Variants in AFF2 observed in about 807,000 individuals in gnomAD.
The protein encoded by AFF2 is AF4/FMR2 family member 2.
A neutral mutation model predicts 76.9 loss-of-function variants in AFF2; 14 were observed. The ratio of observed to expected loss-of-function variants is 0.18; its 90% confidence interval spans 0.12 to 0.28. AFF2 has a LOEUF of 0.28. Among genes scored for constraint, AFF2 ranks in the 10% least tolerant of loss-of-function variants. The probability of loss-of-function intolerance (pLI) is 1.00; values close to 1 mark genes in which losing one functional copy is unlikely to be tolerated. For missense variants in AFF2, 868 were observed against 1,001.1 expected, an observed-to-expected ratio of 0.87 and a Z score of 1.79; for synonymous variants, 398 against 366.7, an observed-to-expected ratio of 1.09 and a Z score of -0.98.
intron 9 of AFF2, among the ~76,000 whole-genome samples, chrX:148,933,790 AT>A (rs1165452620): frequency 1.2e-4 from 13 of 111,729 alleles, no homozygotes; most frequent in East Asian, 5.6e-4. Flanking sequence ...TATTTAAATA[AT>A]TTTTTTTCAA....
chrX:148,845,402 A>G (rs959164918), intron 7 of AFF2, among the ~76,000 whole-genome samples: 1 of 111,782 alleles, frequency 8.9e-6, no homozygotes, highest in Admixed American at 9.5e-5. Context: ...ACAGTAATAT[A>G]TAGTGTAGCC....
At chrX:148,655,046 T>C (rs1442724412) in intron 2 of AFF2, among the ~76,000 whole-genome samples, 4 of 111,370 alleles carry the variant, frequency 3.6e-5, no homozygotes, top group Non-Finnish European at 7.5e-5. Flanking sequence ...ATGCCATCTT[T>C]TCACAAGGCC....
At chrX:148,827,688 A>G (rs781991338) in intron 4 of AFF2, among the ~76,000 whole-genome samples, 1 of 112,112 alleles carries the variant, frequency 8.9e-6, no homozygotes, top group South Asian at 3.7e-4. Context: ...TTCTACTTCG[A>G]ATGGTAACTG....
chrX:148,616,621 C>T (rs182451731), intron 1 of AFF2, among the ~76,000 whole-genome samples: 4 of 109,602 alleles, frequency 3.6e-5, no homozygotes, highest in Middle Eastern at 4.7e-3. Flanking sequence ...ATGTGCACAA[C>T]GTGAAGGTTT....
intron 7 of AFF2, among the ~76,000 whole-genome samples, chrX:148,851,945 T>C (rs2070735660): frequency 9.1e-6 from 1 of 109,960 alleles, no homozygotes; most frequent in African/African-American, 3.3e-5. Flanking sequence ...TGTTAACATT[T>C]AGCTTCCACC....
At chrX:148,633,765 C>T (rs782565781) in intron 1 of AFF2, among the ~76,000 whole-genome samples, 26 of 112,684 alleles carry the variant, frequency 2.3e-4, no homozygotes, top group Non-Finnish European at 3.9e-4. Context: ...ACACTATGTC[C>T]TGTTAAGTTT....
intron 1 of AFF2, among the ~76,000 whole-genome samples, chrX:148,571,839 A>G (rs1325408051): frequency 9.0e-6 from 1 of 111,401 alleles, no homozygotes; most frequent in African/African-American, 3.3e-5. Context: ...TAATAGGACT[A>G]ATATCTCTAG....
At chrX:148,553,550 T>C (rs1333679285) in intron 1 of AFF2, among the ~76,000 whole-genome samples, 1 of 111,460 alleles carries the variant, frequency 9.0e-6, no homozygotes, top group African/African-American at 3.3e-5. Flanking sequence ...CTGAAAGGGG[T>C]ATAAAGTGCT....
At chrX:148,756,836 T>A (rs2055565804) in intron 3 of AFF2, among the ~76,000 whole-genome samples, 1 of 112,275 alleles carries the variant, frequency 8.9e-6, no homozygotes, top group African/African-American at 3.2e-5. Context: ...TTGAGACACA[T>A]AAATGTAGTA....
chrX:148,966,698 C>G (rs1557288744), intron 13 of AFF2, 92 bp from the exon 14 acceptor site: 3 of 1,034,059 alleles, frequency 2.9e-6, no homozygotes, highest in Non-Finnish European at 3.8e-6. Flanking sequence ...TTTTTGCCTT[C>G]TTTCGTAACG....
At chrX:148,628,480 G>C (rs1557252417) in intron 1 of AFF2, among the ~76,000 whole-genome samples, 3 of 109,300 alleles carry the variant, frequency 2.7e-5, no homozygotes, top group African/African-American at 1.0e-4. Context: ...GATTTAGTTG[G>C]CACTTTGAAA....
intron 7 of AFF2, among the ~76,000 whole-genome samples, chrX:148,872,678 C>T (rs186091893): frequency 2.7e-3 from 308 of 112,177 alleles, no homozygotes; most frequent in African/African-American, 9.1e-3. Context: ...GTGGCTTAAA[C>T]AACAAACACT....
At chrX:148,599,833 A>C (rs1372831023) in intron 1 of AFF2, among the ~76,000 whole-genome samples, 1 of 111,909 alleles carries the variant, frequency 8.9e-6, no homozygotes, top group Non-Finnish European at 1.9e-5. Context: ...AATCATGTTC[A>C]GTCCTCGAAC....
At chrX:148,536,157 C>T (rs2052783782) in intron 1 of AFF2, among the ~76,000 whole-genome samples, 1 of 108,608 alleles carries the variant, frequency 9.2e-6, no homozygotes, top group Non-Finnish European at 1.9e-5. Flanking sequence ...TTGCAGTGGG[C>T]CAAAGATTGT....
chrX:148,726,239 A>G (rs1419616321), intron 3 of AFF2, among the ~76,000 whole-genome samples: 1 of 111,924 alleles, frequency 8.9e-6, no homozygotes, highest in Admixed American at 9.5e-5. Context: ...TACGTGCAAT[A>G]TTTCTTTCCA....
intron 1 of AFF2, among the ~76,000 whole-genome samples, chrX:148,541,900 G>A (rs561847037): frequency 9.3e-6 from 1 of 107,440 alleles, no homozygotes; most frequent in Middle Eastern, 4.7e-3. Flanking sequence ...CTGAGGCTTA[G>A]TGAGGCTAAA....
At chrX:148,832,639 C>T (rs149102975) in intron 4 of AFF2, among the ~76,000 whole-genome samples, 16 of 111,994 alleles carry the variant, frequency 1.4e-4, no homozygotes, top group Admixed American at 1.4e-3. Context: ...AAAGCCCTTA[C>T]ACAATTATTC....
At chrX:148,831,142 G>A (rs890372979) in intron 4 of AFF2, among the ~76,000 whole-genome samples, 3 of 112,075 alleles carry the variant, frequency 2.7e-5, no homozygotes, top group Admixed American at 1.9e-4. Flanking sequence ...CTTGAACATC[G>A]CTGTTATCCT....
chrX:148,558,216 T>C (rs1169317803), intron 1 of AFF2, among the ~76,000 whole-genome samples: 1 of 111,783 alleles, frequency 8.9e-6, no homozygotes, highest in Non-Finnish European at 1.9e-5. Flanking sequence ...CCTCACTTGG[T>C]TTTATTTGTC....
Sources: gnomAD v4.1 joint callset for allele counts (sites outside exome capture counted in the v4.1 genomes callset) on GRCh38, gnomAD v4.1.1 for gene constraint, MANE v1.5 for transcripts, NCBI Gene and HGNC (gene_info 2026-07-23, HGNC 2026-07-21) for gene names.